Variants in STPG2 observed in about 807,000 individuals in gnomAD.
STPG2 encodes the protein sperm-tail PG-rich repeat-containing protein 2.
A neutral mutation model predicts 54.2 loss-of-function variants in STPG2; 56 were observed. That is an observed-to-expected ratio of 1.03 (90% CI 0.83 to 1.29). The LOEUF is 1.29. Among genes scored for constraint, STPG2 ranks in the 50% most tolerant of loss-of-function variants. The pLI is 0.00. For missense variants in STPG2, 596 were observed against 544.9 expected, an observed-to-expected ratio of 1.09 and a Z score of -0.93; for synonymous variants, 200 against 181.8, an observed-to-expected ratio of 1.10 and a Z score of -0.81.
At chr4:97,932,816 G>T (rs959628844) in intron 8 of STPG2, among the ~76,000 whole-genome samples, 2 of 152,138 alleles carry the variant, frequency 1.3e-5, no homozygotes, top group African/African-American at 4.8e-5. Flanking sequence ...GAATAGTGCT[G>T]CAATAAAGAT....
At chr4:97,494,886 G>C (rs967804885) in intron 4 of STPG2, among the ~76,000 whole-genome samples, 1 of 151,382 alleles carries the variant, frequency 6.6e-6, no homozygotes, top group Non-Finnish European at 1.5e-5. Context: ...GCAACATTAA[G>C]AAAATATATA....
chr4:97,867,165 C>G (rs895383426), intron 8 of STPG2, among the ~76,000 whole-genome samples: 2 of 151,838 alleles, frequency 1.3e-5, no homozygotes, highest in Non-Finnish European at 2.9e-5. Context: ...TCTGTTTAAG[C>G]CTTTTAGATT....
At chr4:97,778,164 C>A (rs1726445058) in intron 9 of STPG2, among the ~76,000 whole-genome samples, 1 of 152,086 alleles carries the variant, frequency 6.6e-6, no homozygotes, top group Non-Finnish European at 1.5e-5. Context: ...CCTTTCCCAG[C>A]CAAAGGAAGG....
intron 9 of STPG2, among the ~76,000 whole-genome samples, chr4:97,821,728 C>A (rs1172415239): frequency 2.0e-5 from 3 of 152,204 alleles, no homozygotes; most frequent in African/African-American, 7.2e-5. Context: ...GTGGAAGCTT[C>A]CAGACTTAAC....
intron 5 of STPG2, among the ~76,000 whole-genome samples, chr4:98,017,875 A>G (rs1736018184): frequency 6.6e-6 from 1 of 151,628 alleles, no homozygotes; most frequent in African/African-American, 2.4e-5. Flanking sequence ...GCATTCATTC[A>G]TTCTCTCTCT....
At chr4:97,798,230 G>C (rs2149087132) in intron 9 of STPG2, among the ~76,000 whole-genome samples, 1 of 152,178 alleles carries the variant, frequency 6.6e-6, no homozygotes, top group Non-Finnish European at 1.5e-5. Flanking sequence ...GCTAGCTTTT[G>C]AATGTGTTTG....
chr4:97,563,879 T>C (rs1361233641), intron 10 of STPG2, among the ~76,000 whole-genome samples: 1 of 151,428 alleles, frequency 6.6e-6, no homozygotes, highest in Non-Finnish European at 1.5e-5. Flanking sequence ...AATTTTGGAA[T>C]AGGTGTGGTG....
intron 5 of STPG2, among the ~76,000 whole-genome samples, chr4:98,026,788 T>A (rs1452231331): frequency 4.0e-5 from 6 of 151,896 alleles, no homozygotes; most frequent in Non-Finnish European, 7.4e-5. Flanking sequence ...TTCTTGCCCT[T>A]CTCTCTCTCT....
intron 4 of STPG2, among the ~76,000 whole-genome samples, chr4:97,474,583 C>A (rs113804820): frequency 0.021 from 3,258 of 152,152 alleles, 102 homozygotes; most frequent in African/African-American, 0.075. Context: ...ATATCAGGGA[C>A]AAGGAAGATG....
rs138808930 is a variant in STPG2, at chr4:97,470,946, T to G, written c.462+241753A>C. Among the ~76,000 whole-genome samples, 918 of 152,260 alleles carry G rather than the reference T, an allele frequency of 6.0e-3. 5 individuals carry two copies. The highest frequency in any genetic ancestry group is 0.02 in the South Asian group (98 of 4,826). On this transcript the variant is annotated intron_variant, in intron 4 of 4. Transcript: ENST00000522676. Reference sequence around the variant, plus strand: ...TCAGATTGGGGATCATCTGCTTTGGTTGATCCTGGATCATCAAGCCATTAC... The same window carrying G: ...TCAGATTGGGGATCATCTGCTTTGGGTGATCCTGGATCATCAAGCCATTAC...
intron 10 of STPG2, among the ~76,000 whole-genome samples, chr4:97,586,061 C>A (rs72889102): frequency 1.3e-5 from 2 of 151,682 alleles, no homozygotes; most frequent in Non-Finnish European, 2.9e-5. Flanking sequence ...AGAGACCCAT[C>A]ATAAAATGAT....
intron 4 of STPG2, among the ~76,000 whole-genome samples, chr4:97,509,134 T>A (rs1368048155): frequency 6.6e-6 from 1 of 152,120 alleles, no homozygotes; most frequent in Non-Finnish European, 1.5e-5. Flanking sequence ...TCTATGGGCT[T>A]ATGTCTCTCC....
At chr4:97,778,447 G>T (rs371275928) in intron 9 of STPG2, among the ~76,000 whole-genome samples, 2 of 152,162 alleles carry the variant, frequency 1.3e-5, no homozygotes, top group African/African-American at 2.4e-5. Flanking sequence ...GCTTGTACTG[G>T]GTGGAGCCCA....
chr4:97,558,778 C>T, downstream of STPG2: 1 of 333,860 alleles, frequency 3.0e-6, no homozygotes, highest in Admixed American at 5.2e-5. Context: ...ACCAAAGAAA[C>T]TATGAGATAA....
chr4:97,996,261 A>T (rs529963265), intron 5 of STPG2, among the ~76,000 whole-genome samples: 1 of 152,232 alleles, frequency 6.6e-6, no homozygotes, highest in East Asian at 1.9e-4. Flanking sequence ...CCAATAGAGC[A>T]GAATAGAGAG....
intron 10 of STPG2, among the ~76,000 whole-genome samples, chr4:97,584,239 T>C (rs1732935667): frequency 2.0e-5 from 3 of 152,014 alleles, no homozygotes; most frequent in East Asian, 1.9e-4. Flanking sequence ...CCCTCAAAAT[T>C]ATACAAATAC....
chr4:97,980,166 C>CAG (rs960545553), intron 6 of STPG2, among the ~76,000 whole-genome samples: 3 of 151,702 alleles, frequency 2.0e-5, no homozygotes, highest in African/African-American at 2.4e-5. Flanking sequence ...GCCTGGATGA[C>CAG]AGAGAGAGAG....
At chr4:97,728,799 T>C (rs949195294) in intron 9 of STPG2, among the ~76,000 whole-genome samples, 1 of 151,982 alleles carries the variant, frequency 6.6e-6, no homozygotes, top group Non-Finnish European at 1.5e-5. Context: ...ACAGAAAATA[T>C]TATTTAAAGT....
intron 4 of STPG2, among the ~76,000 whole-genome samples, chr4:97,486,825 G>GTATATA (rs1243234512): frequency 1.2e-4 from 16 of 130,838 alleles, no homozygotes; most frequent in African/African-American, 5.1e-4. Flanking sequence ...GTGTGTGTGT[G>GTATATA]TGTGTATATA....
Sources: gnomAD v4.1 joint callset for allele counts (sites outside exome capture counted in the v4.1 genomes callset) on GRCh38, gnomAD v4.1.1 for gene constraint, MANE v1.5 for transcripts, NCBI Gene and HGNC (gene_info 2026-07-23, HGNC 2026-07-21) for gene names.